NINL: variants seen among roughly 807,000 people sequenced by gnomAD.
NINL encodes the protein ninein-like protein.
Under a neutral mutation model 160.3 loss-of-function variants are expected in NINL, and 153 were observed. The observed-to-expected ratio is 0.95, with a 90% CI of 0.84 to 1.09. The LOEUF is 1.09. NINL is among the 50% of genes least tolerant of loss of function. NINL has a pLI of 0.00. For missense variants in NINL, 1,829 were observed against 1,764.0 expected, an observed-to-expected ratio of 1.04 and a Z score of -0.66; for synonymous variants, 800 against 734.8, an observed-to-expected ratio of 1.09 and a Z score of -1.43.
rs1002892623 is a variant in NINL at position 25,541,676 on chromosome 20, C to A, written c.-11-15078G>T. Among the ~76,000 whole-genome samples, 5 of 152,266 alleles carry A rather than the reference C, an allele frequency of 3.3e-5. No individual in the cohort carries two copies. In the South Asian group the frequency reaches 8.3e-4, roughly 25 times the overall value. ...TAAAATGAGCTCTTTCTATATATAT[C>A]ATTACAAAAATAGGAAACTTTATTC... On this transcript the variant is annotated intron_variant, in intron 1 of 23. Coordinates refer to ENST00000278886, the MANE Select transcript of NINL (RefSeq NM_025176.6).
chr20:25,493,136 G>T (rs1324533455), intron 10 of NINL, among the ~76,000 whole-genome samples: 1 of 152,160 alleles, frequency 6.6e-6, no homozygotes, highest in Admixed American at 6.5e-5. Context: ...GGCTGGGAGA[G>T]AATCAAGGTA....
intron 21 of NINL, chr20:25,458,733 G>A: frequency 1.8e-6 from 1 of 564,314 alleles, no homozygotes; most frequent in Non-Finnish European, 3.1e-6. Flanking sequence ...CTTCCACACA[G>A]TGCTAGAGTG....
At chr20:25,544,194 G>A (rs140396130) in intron 1 of NINL, among the ~76,000 whole-genome samples, 81 of 149,108 alleles carry the variant, frequency 5.4e-4, no homozygotes, top group African/African-American at 1.6e-3. Flanking sequence ...AATTTGACGC[G>A]TGGAATCTGG....
chr20:25,477,199 G>C, intron 16 of NINL, 110 bp from the exon 17 acceptor site: 2 of 1,083,328 alleles, frequency 1.8e-6, no homozygotes, highest in Non-Finnish European at 2.6e-6. Context: ...TCTGTGGTTG[G>C]CTTTCTTTAT....
At chr20:25,494,164 T>C (rs1395647810) in intron 10 of NINL, among the ~76,000 whole-genome samples, 4 of 124,580 alleles carry the variant, frequency 3.2e-5, no homozygotes, top group African/African-American at 6.4e-5. Context: ...AGCACCCACA[T>C]AGCACCACAC....
At chr20:25,457,240 C>T (rs2090709763) in intron 22 of NINL, among the ~76,000 whole-genome samples, 1 of 152,186 alleles carries the variant, frequency 6.6e-6, no homozygotes, top group Admixed American at 6.5e-5. Context: ...AGGGGAATTG[C>T]TTGAACACAG....
At chr20:25,457,758 C>T (rs1336008834) in intron 22 of NINL, among the ~76,000 whole-genome samples, 1 of 152,228 alleles carries the variant, frequency 6.6e-6, no homozygotes, top group African/African-American at 2.4e-5. Flanking sequence ...TTCTCTCAGA[C>T]TTTTGAATTA....
intron 23 of NINL, 65 bp downstream of exon 23, chr20:25,455,608 C>G: frequency 8.6e-7 from 1 of 1,166,174 alleles, no homozygotes; most frequent in Non-Finnish European, 1.3e-6. Flanking sequence ...TACCTGCACA[C>G]CCATAAAAGT....
chr20:25,548,118 G>A (rs1028171418), intron 1 of NINL, among the ~76,000 whole-genome samples: 3 of 152,160 alleles, frequency 2.0e-5, no homozygotes, highest in African/African-American at 7.2e-5. Flanking sequence ...CTTGCCATGG[G>A]GGCACATTTA....
intron 5 of NINL, among the ~76,000 whole-genome samples, chr20:25,510,070 GC>G (rs1457696720): frequency 6.6e-6 from 1 of 152,236 alleles, no homozygotes; most frequent in African/African-American, 2.4e-5. Context: ...GGGCACCACG[GC>G]AGCATGGATG....
At chr20:25,565,936 A>C (rs2064995238) in intron 1 of NINL, among the ~76,000 whole-genome samples, 1 of 152,182 alleles carries the variant, frequency 6.6e-6, no homozygotes, top group Admixed American at 6.5e-5. Flanking sequence ...CGACCCCCGC[A>C]GGCTCTCTGA....
chr20:25,511,404 G>A (rs541598774), intron 4 of NINL, among the ~76,000 whole-genome samples: 41 of 152,288 alleles, frequency 2.7e-4, no homozygotes, highest in African/African-American at 7.2e-4. Context: ...CAGTGACTGC[G>A]TCAGCCAACT....
intron 1 of NINL, among the ~76,000 whole-genome samples, chr20:25,554,624 C>CA (rs1239768383): frequency 4.8e-4 from 24 of 49,666 alleles, no homozygotes; most frequent in South Asian, 1.1e-3. Context: ...TGTTCTTTAC[C>CA]AAAAAAAAAA....
In NINL at chr20:25,526,592, T is replaced by C. The variant is rs1019754602; in HGVS notation, c.-5A>G. On this transcript the variant is annotated 5_prime_UTR_variant, in exon 2 of 24. An upstream start codon of the reference 5' UTR is lost. Coordinates refer to ENST00000278886, the MANE Select transcript of NINL (RefSeq NM_025176.6). Reference sequence around the variant, plus strand: ...GTGGTTCTCTTCTTCATCCATCCCATAGCAGGCTGGCAGTGTGCAAGGGAA... The same window carrying C: ...GTGGTTCTCTTCTTCATCCATCCCACAGCAGGCTGGCAGTGTGCAAGGGAA... 9.9e-6 allele frequency: 16 copies of C among 1,612,474 alleles called. No homozygotes were observed. Among genetic ancestry groups the C allele is most frequent in the African/African-American group, 2.7e-5 (2 of 74,888 alleles).
At chr20:25,479,665 C>T (rs1000791886) in intron 15 of NINL, among the ~76,000 whole-genome samples, 3 of 152,222 alleles carry the variant, frequency 2.0e-5, no homozygotes, top group African/African-American at 4.8e-5. Context: ...GGTACCCTGA[C>T]GGAGGAACTG....
intron 1 of NINL, among the ~76,000 whole-genome samples, chr20:25,575,069 T>C (rs2065098625): frequency 6.6e-6 from 1 of 152,140 alleles, no homozygotes; most frequent in Non-Finnish European, 1.5e-5. Context: ...GTAAACTTTT[T>C]ATTGGTTGGA....
chr20:25,554,623 C>CA (rs2064843766), intron 1 of NINL, among the ~76,000 whole-genome samples: 1 of 53,926 alleles, frequency 1.9e-5, no homozygotes, highest in African/African-American at 7.8e-5. Flanking sequence ...CTGTTCTTTA[C>CA]CAAAAAAAAA....
At chr20:25,561,043 CCTCTCCCTCTCT>C (rs1188284507) in intron 1 of NINL, among the ~76,000 whole-genome samples, 2,192 of 70,266 alleles carry the variant, frequency 0.031, 16 homozygotes, top group South Asian at 0.047. Flanking sequence ...CCCTCCTCTC[CCTCTCCCTCTCT>C]CTCTCTTTCC....
At chr20:25,582,334 A>G (rs2065184138) in intron 1 of NINL, among the ~76,000 whole-genome samples, 1 of 151,590 alleles carries the variant, frequency 6.6e-6, no homozygotes, top group African/African-American at 2.4e-5. Flanking sequence ...CTTTCTTTCC[A>G]ATTTGATGGA....
Sources: gnomAD v4.1 joint callset for allele counts (sites outside exome capture counted in the v4.1 genomes callset) on GRCh38, gnomAD v4.1.1 for gene constraint, MANE v1.5 for transcripts, NCBI Gene and HGNC (gene_info 2026-07-23, HGNC 2026-07-21) for gene names.